Variants in SPON2 observed in about 807,000 individuals in gnomAD.
SPON2 encodes the protein spondin-2.
In SPON2, 32 loss-of-function variants were observed where a neutral mutation model predicts 29.9. The ratio of observed to expected loss-of-function variants is 1.07; its 90% CI spans 0.81 to 1.44. SPON2 has a LOEUF of 1.44. Ranked by LOEUF, SPON2 falls within the 40% of genes most tolerant of loss-of-function variation. The pLI is 0.00. For synonymous variants in SPON2, 248 were observed against 209.1 expected, an observed-to-expected ratio of 1.19 and a Z score of -1.61; for missense variants, 541 against 455.5, an observed-to-expected ratio of 1.19 and a Z score of -1.71.
At chr4:1,195,924 C>A (rs534661742), upstream of SPON2, among the ~76,000 whole-genome samples, 5 of 152,210 alleles carry the variant, frequency 3.3e-5, no homozygotes, top group African/African-American at 1.2e-4. Context: ...GTGAGCCCCA[C>A]GCCTGGCCAC....
intron 1 of SPON2, among the ~76,000 whole-genome samples, chr4:1,203,512 G>A (rs1011118881): frequency 6.6e-6 from 1 of 152,216 alleles, no homozygotes; most frequent in Non-Finnish European, 1.5e-5. Flanking sequence ...AGATGGACAT[G>A]TAGGCTGTGC....
chr4:1,193,929 G>T (rs1297480866), intron 1 of SPON2, among the ~76,000 whole-genome samples: 1 of 150,514 alleles, frequency 6.6e-6, no homozygotes, highest in Admixed American at 6.6e-5. Context: ...AAAGGACGTG[G>T]GGGAGCTGTG....
intron 1 of SPON2, among the ~76,000 whole-genome samples, chr4:1,194,408 C>T (rs1036800078): frequency 1.3e-5 from 2 of 152,114 alleles, no homozygotes; most frequent in African/African-American, 2.4e-5. Flanking sequence ...CGGGGGACAG[C>T]GACGGCCCCA....
intron 1 of SPON2, among the ~76,000 whole-genome samples, chr4:1,206,203 C>T (rs1453615321): frequency 6.6e-6 from 1 of 152,200 alleles, no homozygotes; most frequent in Admixed American, 6.5e-5. Context: ...CATGTGTGCC[C>T]CCACGGGAGC....
chr4:1,188,805 C>T lies in SPON2; in HGVS notation c.-239+6185G>A, dbSNP rs78866138. Among the ~76,000 whole-genome samples the T allele has an allele frequency of 2.8e-3, 426 of 152,238 alleles. 2 individuals carry two copies. Among genetic ancestry groups the T allele is most frequent in the African/African-American group, 9.8e-3 (406 of 41,526 alleles). ...CAGAAAATCAAAAGTCAGTAGAAGA[C>T]GTCAACAGGCTCTAACCCACCTAGA... On this transcript the variant is annotated intron_variant, in intron 1 of 3. Coordinates refer to the SPON2 transcript ENST00000502483.
chr4:1,198,854 T>C (rs372572863), upstream of SPON2, among the ~76,000 whole-genome samples: 31 of 152,032 alleles, frequency 2.0e-4, no homozygotes, highest in East Asian at 3.7e-3. Flanking sequence ...TCTAGTAAAA[T>C]AGAAAAAAGT....
intron 1 of SPON2, among the ~76,000 whole-genome samples, chr4:1,183,909 TA>T (rs1307984197): frequency 6.6e-6 from 1 of 152,176 alleles, no homozygotes; most frequent in Non-Finnish European, 1.5e-5. Context: ...GACAAAAAAC[TA>T]TAACGCAAAT....
rs776791281 is a variant in SPON2, at chr4:1,172,006, GAGAGTGGCC to G, written c.57_65del (p.Ala20_Leu22del). ...CCCCAAGAGGCTGGCCGGCGGCGCC[GAGAGTGGCC>G]AGGAGGAGAGCGCAGAGGGCCTTGC... On this transcript the variant is annotated inframe_deletion, in exon 2 of 6. Transcript: ENST00000290902. The G allele has an allele frequency of 1.2e-6, 2 of 1,612,800 alleles. No individual in the cohort carries two copies. The highest frequency in any genetic ancestry group is 1.7e-6 in the Non-Finnish European group (2 of 1,179,884).
chr4:1,193,956 G>T (rs1433578231), intron 1 of SPON2, among the ~76,000 whole-genome samples: 2 of 151,762 alleles, frequency 1.3e-5, no homozygotes, highest in Non-Finnish European at 2.9e-5. Flanking sequence ...ACACGGGGGT[G>T]GCGTGGGCCC....
chr4:1,181,839 C>A (rs746651809), intron 1 of SPON2, among the ~76,000 whole-genome samples: 4 of 152,194 alleles, frequency 2.6e-5, no homozygotes, highest in Non-Finnish European at 5.9e-5. Flanking sequence ...TGCAAAGAAG[C>A]AGGTGCCTAT....
At chr4:1,207,036 C>T (rs1728359111) in intron 1 of SPON2, among the ~76,000 whole-genome samples, 1 of 142,034 alleles carries the variant, frequency 7.0e-6, no homozygotes, top group South Asian at 2.2e-4. Flanking sequence ...TGAGCAGGTG[C>T]AGGGCGGGTG....
upstream of SPON2, among the ~76,000 whole-genome samples, chr4:1,198,150 A>T (rs1399166124): frequency 6.6e-6 from 1 of 152,168 alleles, no homozygotes; most frequent in African/African-American, 2.4e-5. Flanking sequence ...AAGAGACCCC[A>T]GTATGGAAGA....
At chr4:1,189,650 A>AAAAG (rs1309530045) in intron 1 of SPON2, among the ~76,000 whole-genome samples, 1 of 149,534 alleles carries the variant, frequency 6.7e-6, no homozygotes, top group Non-Finnish European at 1.5e-5. Flanking sequence ...AAAAAAAAAA[A>AAAAG]AAAAAAAAGA....
chr4:1,188,835 G>A (rs527858408), intron 1 of SPON2, among the ~76,000 whole-genome samples: 4 of 152,210 alleles, frequency 2.6e-5, no homozygotes, highest in African/African-American at 9.6e-5. Context: ...CCTAGACTTG[G>A]CAGACGTCTG....
At position 1,171,007 on chromosome 4, in the gene SPON2, C is replaced by CCT. The variant is rs1251309548; in HGVS notation, c.627_628insAG (p.Val210ArgfsTer2). 5 of 1,548,402 alleles carry CCT rather than the reference C, an allele frequency of 3.2e-6. No homozygotes were observed. Among genetic ancestry groups the CCT allele is most frequent in the Non-Finnish European group, 4.4e-6 (5 of 1,145,538 alleles). ...GCGGGGTGCCCACTCACCTCGGTCA[C>CCT]CGTGTCCTGCGGGATGGTGGCGAAG... is the stretch of plus-strand genomic sequence containing the variant. On this transcript the variant is annotated frameshift_variant, in exon 4 of 6. Transcript: ENST00000290902. LOFTEE classifies it high-confidence loss of function.
chr4:1,167,640 C>T lies in SPON2; in HGVS notation c.828G>A (p.Leu276=). 1 of 1,607,350 alleles carries T rather than the reference C, an allele frequency of 6.2e-7. No homozygotes were observed. The highest frequency in any genetic ancestry group is 1.7e-5 in the Admixed American group (1 of 59,392). Residue 276 remains leucine, a synonymous_variant, in exon 6 of 6, where the codon CTG becomes CTA. Transcript: ENST00000290902. ...VDSASVPETP[L]DCEVSLWSSW... ...ACGACCACAGGGAGACCTCGCAGTC[C>T]AGCGGCGTTTCTGGAACTGGACCAA...
At chr4:1,179,157 C>T (rs1039007313) in intron 2 of SPON2, among the ~76,000 whole-genome samples, 3 of 152,168 alleles carry the variant, frequency 2.0e-5, no homozygotes, top group African/African-American at 4.8e-5. Flanking sequence ...ATTTAGCTGA[C>T]GCTGAGTGGG....
At chr4:1,194,941 G>GC (rs1491124056) in intron 1 of SPON2, 1 of 135,956 alleles carries the variant, frequency 7.4e-6, no homozygotes, top group Admixed American at 7.1e-5. Flanking sequence ...GCAGCCGGCG[G>GC]CTCCAACCTC....
chr4:1,170,959 G>A, intron 4 of SPON2, 40 bp downstream of exon 4: 1 of 1,545,034 alleles, frequency 6.5e-7, no homozygotes, highest in Admixed American at 2.0e-5. Context: ...CCCACCGCGG[G>A]GGCCATAGCG....
Sources: allele counts gnomAD v4.1 joint callset (sites outside exome capture counted in the v4.1 genomes callset), GRCh38; gene constraint gnomAD v4.1.1; transcripts MANE v1.5; gene names NCBI Gene and HGNC (gene_info 2026-07-23, HGNC 2026-07-21).